Variants in ZNF763 observed in about 807,000 individuals in gnomAD.
ZNF763 encodes zinc finger protein 763.
A neutral mutation model predicts 38.0 loss-of-function variants in ZNF763; 33 were observed. The ratio of observed to expected loss-of-function variants is 0.87; its 90% CI spans 0.66 to 1.16. ZNF763 has a LOEUF of 1.16. ZNF763 is among the 50% of genes most tolerant of loss of function. ZNF763 has a pLI of 0.00. For synonymous variants in ZNF763, 155 were observed against 160.1 expected, an observed-to-expected ratio of 0.97 and a Z score of 0.24; for missense variants, 423 against 469.1, an observed-to-expected ratio of 0.90 and a Z score of 0.91.
Position 11,977,028 on chromosome 19 carries a change from G to A in ZNF763, c.4-10G>A. 2.5e-6 allele frequency: 4 copies of A among 1,614,120 alleles called. No homozygotes were observed. Among genetic ancestry groups the A allele is most frequent in the African/African-American group, 1.3e-5 (1 of 75,060 alleles). ...CACCCAGCCTCCTCTACACATGTGAGATGTTTCAGGACCCTGTGGCCTGTG... is the reference window on the plus strand; with the variant it reads ...CACCCAGCCTCCTCTACACATGTGAAATGTTTCAGGACCCTGTGGCCTGTG... On this transcript the variant is annotated splice_polypyrimidine_tract_variant and intron_variant, in intron 1 of 3. Coordinates refer to ENST00000358987, the MANE Select transcript of ZNF763 (RefSeq NM_001367172.2).
Position 11,979,397 on chromosome 19 carries a change from C to T in ZNF763, c.*288C>T. Reference sequence around the variant, plus strand: ...TGGGAAAGCCTTCAGATCTGCCTCACACCTTCAAATTCATGAAAGGACACA... The same window carrying T: ...TGGGAAAGCCTTCAGATCTGCCTCATACCTTCAAATTCATGAAAGGACACA... On this transcript the variant is annotated 3_prime_UTR_variant, in exon 4 of 4. Transcript: ENST00000358987. 1 of 1,604,848 alleles carries T rather than the reference C, an allele frequency of 6.2e-7. No homozygotes were observed. Among genetic ancestry groups the T allele is most frequent in the Non-Finnish European group, 8.5e-7 (1 of 1,175,714 alleles).
At position 11,978,435 on chromosome 19, in the gene ZNF763, C is replaced by A. The variant is rs776898159; in HGVS notation, c.511C>A (p.Pro171Thr). 2 of 1,614,160 alleles carry A rather than the reference C, an allele frequency of 1.2e-6. No individual in the cohort carries two copies. ...TQERNHTGEK[P>T]YACKECGKTF... ...AGAAAGGAATCACACCGGAGAGAAA[C>A]CCTATGCTTGTAAAGAATGTGGAAA... The change falls in exon 4 of 4, where the codon CCC (proline) becomes ACC (threonine). Residue 171 changes from proline to threonine, a missense_variant. Pro to Thr is a conservative substitution (Grantham distance 38, BLOSUM62 -1). Coordinates refer to ENST00000358987, the MANE Select transcript of ZNF763 (RefSeq NM_001367172.2).
Position 11,979,643 on chromosome 19 carries a change from G to A in ZNF763, c.*534G>A. The A allele has an allele frequency of 6.2e-7, 1 of 1,605,460 alleles. No individual in the cohort carries two copies. Among genetic ancestry groups the A allele is most frequent in the Non-Finnish European group, 8.5e-7 (1 of 1,173,768 alleles). On this transcript the variant is annotated 3_prime_UTR_variant, in exon 4 of 4. Transcript: ENST00000358987. Reference sequence around the variant, plus strand: ...GAAACCCTATGAGTGTAAGCAATGTGGGAAAGCCTTCAGATCTGCCTCAAT... The same window carrying A: ...GAAACCCTATGAGTGTAAGCAATGTAGGAAAGCCTTCAGATCTGCCTCAAT...
chr19:11,970,426 C>A (rs185283105), intron 1 of ZNF763, among the ~76,000 whole-genome samples: 1 of 151,960 alleles, frequency 6.6e-6, no homozygotes, highest in Non-Finnish European at 1.5e-5. Context: ...GTTATAACAA[C>A]GTTAAATCCA....
intron 1 of ZNF763, among the ~76,000 whole-genome samples, chr19:11,965,891 C>A (rs1332999450): frequency 1.3e-5 from 2 of 151,984 alleles, no homozygotes; most frequent in Non-Finnish European, 2.9e-5. Context: ...GGTGTAAGTT[C>A]CATTGGCAGA....
chr19:11,972,966 T>G (rs1973381289), intron 1 of ZNF763, among the ~76,000 whole-genome samples: 1 of 152,144 alleles, frequency 6.6e-6, no homozygotes, highest in Non-Finnish European at 1.5e-5. Flanking sequence ...TGACTGTGTG[T>G]AGTATATCCC....
Position 11,979,389 on chromosome 19 carries a change from C to G in ZNF763, c.*280C>G. The stretch of plus-strand genomic sequence containing the variant: ...AAGGAATGTGGGAAAGCCTTCAGAT[C>G]TGCCTCACACCTTCAAATTCATGAA... On this transcript the variant is annotated 3_prime_UTR_variant, in exon 4 of 4. Transcript: ENST00000358987. The G allele has an allele frequency of 6.2e-7, 1 of 1,610,812 alleles. No individual in the cohort carries two copies. The highest frequency in any genetic ancestry group is 8.5e-7 in the Non-Finnish European group (1 of 1,178,518).
intron 1 of ZNF763, among the ~76,000 whole-genome samples, chr19:11,965,515 A>G (rs987170987): frequency 1.4e-4 from 21 of 152,246 alleles, no homozygotes; most frequent in African/African-American, 4.8e-4. Context: ...CGAGAGGGTC[A>G]TGGGGGAAAT....
At position 11,977,082 on chromosome 19, in the gene ZNF763, G is replaced by A. The variant is rs778059894; in HGVS notation, c.48G>A (p.Glu16=). 2 of 1,614,162 alleles carry A rather than the reference G, an allele frequency of 1.2e-6. No homozygotes were observed. Among genetic ancestry groups the A allele is most frequent in the South Asian group, 1.1e-5 (1 of 91,074 alleles). Residue 16 remains glutamate (E), a synonymous_variant, in exon 2 of 4, where the codon GAG becomes GAA. Transcript: ENST00000358987. The part of the protein sequence containing the change: ...CEDVAVNFTQ[E]EWALLDISQR... Reference sequence around the variant, plus strand: ...ATGTTGCTGTGAACTTCACCCAGGAGGAGTGGGCTTTGCTGGATATTTCGC... The same window carrying A: ...ATGTTGCTGTGAACTTCACCCAGGAAGAGTGGGCTTTGCTGGATATTTCGC...
chr19:11,978,812 T>A lies in ZNF763; in HGVS notation c.888T>A (p.Cys296Ter), dbSNP rs1304261682. Residue 296 changes from cysteine to a stop codon, truncating the protein, a stop_gained, in exon 4 of 4, where the codon TGT (cysteine) becomes TGA (stop). Coordinates refer to ENST00000358987, the MANE Select transcript of ZNF763 (RefSeq NM_001367172.2). LOFTEE classifies it high-confidence loss of function. Reference protein sequence around the residue: ...CKQCGKSFSWCHSFQIHERTH... With the variant: ...CKQCGKSFSW ...AATGTGGCAAATCCTTCAGTTGGTG[T>A]CATTCCTTTCAAATACATGAAAGAA... The A allele has an allele frequency of 1.1e-5, 17 of 1,613,978 alleles. 1 individual carries two copies. The highest frequency in any genetic ancestry group is 1.4e-5 in the Non-Finnish European group (16 of 1,180,010).
At chr19:11,974,542 A>T (rs1353371273) in intron 1 of ZNF763, among the ~76,000 whole-genome samples, 1 of 137,276 alleles carries the variant, frequency 7.3e-6, no homozygotes, top group African/African-American at 2.9e-5. Context: ...GCATCCCGTC[A>T]TATGTTTGTT....
intron 1 of ZNF763, among the ~76,000 whole-genome samples, chr19:11,969,224 C>G (rs1246295488): frequency 1.3e-5 from 2 of 152,218 alleles, no homozygotes; most frequent in African/African-American, 4.8e-5. Context: ...CTGGCCTCAG[C>G]CTTTCCAGTA....
rs1206318446 is a variant in ZNF763 at position 11,980,603 on chromosome 19, CAAT to C, written c.*1501_*1503del. Among the ~76,000 whole-genome samples the C allele has an allele frequency of 1.3e-5, 2 of 152,042 alleles. No homozygotes were observed. Among genetic ancestry groups the C allele is most frequent in the Non-Finnish European group, 2.9e-5 (2 of 68,022 alleles). ...TGAGTCACAGGAAGCTAATAAATTACAATAATAATGTAAATTGTCTAAATACAG... is the reference window on the plus strand; with the variant it reads ...TGAGTCACAGGAAGCTAATAAATTACAATAATGTAAATTGTCTAAATACAG... On this transcript the variant is annotated 3_prime_UTR_variant, in exon 4 of 4. Transcript: ENST00000358987.
Position 11,974,272 on chromosome 19 carries a change from CT to C in ZNF763, c.4-2765del, listed in dbSNP as rs1973436540. 4.0e-5 allele frequency among the ~76,000 whole-genome samples: 6 copies of C among 150,916 alleles called. No individual in the cohort carries two copies. In the South Asian group the frequency reaches 1.3e-3, roughly 32 times the overall value. Reference sequence around the variant, plus strand: ...AGTGCAATGGCATGATCTCAGCTCACTGCTGCCTCTGCCTCCCAGGTTGAAG... The same window carrying C: ...AGTGCAATGGCATGATCTCAGCTCACGCTGCCTCTGCCTCCCAGGTTGAAG... On this transcript the variant is annotated intron_variant, in intron 1 of 3. Coordinates refer to ENST00000358987, the MANE Select transcript of ZNF763 (RefSeq NM_001367172.2).
chr19:11,979,120 T>A lies in ZNF763; in HGVS notation c.*11T>A. The A allele has an allele frequency of 6.2e-7, 1 of 1,613,526 alleles. No individual in the cohort carries two copies. The highest frequency in any genetic ancestry group is 8.5e-7 in the Non-Finnish European group (1 of 1,179,898). On this transcript the variant is annotated 3_prime_UTR_variant, in exon 4 of 4. Coordinates refer to ENST00000358987, the MANE Select transcript of ZNF763 (RefSeq NM_001367172.2). ...AGAAAGACCTTATAAATGTTAGATA[T>A]GTGGGAAAGGCCTTTATTCTGCCAA... is the stretch of plus-strand genomic sequence containing the variant.
chr19:11,968,072 A>G (rs905130246), intron 1 of ZNF763, among the ~76,000 whole-genome samples: 1 of 152,156 alleles, frequency 6.6e-6, no homozygotes, highest in Non-Finnish European at 1.5e-5. Flanking sequence ...AATGTCAAAC[A>G]TGTTATGACC....
In ZNF763 at chr19:11,978,637, G is replaced by A. The variant is rs1568311723; in HGVS notation, c.713G>A (p.Ser238Asn). 6.2e-7 allele frequency: 1 copy of A among 1,613,904 alleles called. No individual in the cohort carries two copies. Among genetic ancestry groups the A allele is most frequent in the Admixed American group, 1.7e-5 (1 of 59,992 alleles). ...TGTAAACAATGTGTTAAATCCTTTA[G>A]TTATTCTGCTACCCATCGAATACAT... ...YECKQCVKSF[S>N]YSATHRIHER... Residue 238 changes from serine to asparagine, a missense_variant, in exon 4 of 4, where the codon AGT (serine) becomes AAT (asparagine). Coordinates refer to ENST00000358987, the MANE Select transcript of ZNF763 (RefSeq NM_001367172.2).
chr19:11,980,615 A>G lies in ZNF763; in HGVS notation c.*1506A>G, dbSNP rs1973598822. ...AGCTAATAAATTACAATAATAATGT[A>G]AATTGTCTAAATACAGCCTTTTCTT... On this transcript the variant is annotated 3_prime_UTR_variant, in exon 4 of 4. Coordinates refer to ENST00000358987, the MANE Select transcript of ZNF763 (RefSeq NM_001367172.2). Among the ~76,000 whole-genome samples the G allele has an allele frequency of 6.6e-6, 1 of 152,210 alleles. No individual in the cohort carries two copies. Among genetic ancestry groups the G allele is most frequent in the Non-Finnish European group, 1.5e-5 (1 of 68,038 alleles).
chr19:11,972,363 C>T (rs921261374), intron 1 of ZNF763, among the ~76,000 whole-genome samples: 10 of 152,062 alleles, frequency 6.6e-5, no homozygotes, highest in African/African-American at 2.4e-4. Context: ...TTAAAAATTA[C>T]ATTCAACAGG....
Sources: gnomAD v4.1 joint callset for allele counts (sites outside exome capture counted in the v4.1 genomes callset) on GRCh38, gnomAD v4.1.1 for gene constraint, MANE v1.5 for transcripts, NCBI Gene and HGNC (gene_info 2026-07-23, HGNC 2026-07-21) for gene names.